WDFY4: variants seen among roughly 807,000 people sequenced by gnomAD.
The protein encoded by WDFY4 is WD repeat- and FYVE domain-containing protein 4.
WDFY4 carries 169 observed loss-of-function variants against 351.9 expected under a neutral mutation model. The ratio of observed to expected loss-of-function variants is 0.48; its 90% CI spans 0.42 to 0.55. The LOEUF (loss-of-function observed/expected upper bound fraction) is 0.55, where lower values mean the gene tolerates loss of function less well. WDFY4 is among the 20% of genes least tolerant of loss of function. The pLI is 0.00. For missense variants in WDFY4, 3,803 were observed against 3,935.6 expected, an observed-to-expected ratio of 0.97 and a Z score of 0.90; for synonymous variants, 1,622 against 1,574.6, an observed-to-expected ratio of 1.03 and a Z score of -0.71.
At chr10:48,937,798 AT>A (rs1449703180) in intron 47 of WDFY4, among the ~76,000 whole-genome samples, 9 of 152,190 alleles carry the variant, frequency 5.9e-5, no homozygotes, top group African/African-American at 2.2e-4. Flanking sequence ...TGGATTTCTA[AT>A]GCCCTGCCTG....
intron 47 of WDFY4, chr10:48,913,834 G>A: frequency 6.2e-7 from 1 of 1,614,136 alleles, no homozygotes; most frequent in South Asian, 1.1e-5. Context: ...TTGCTGGTCA[G>A]CCGGTTGTTG....
Position 48,829,645 on chromosome 10 carries a change from T to C in WDFY4, c.6340+749T>C, listed in dbSNP as rs545952409. On this transcript the variant is annotated intron_variant, in intron 37 of 61. Transcript: ENST00000325239. ...CGGGTGGATCACCTAAGGTCAGGAGTTCAAGACCAGCCTGCCCAACATGCT... is the reference window on the plus strand; with the variant it reads ...CGGGTGGATCACCTAAGGTCAGGAGCTCAAGACCAGCCTGCCCAACATGCT... 4.0e-5 allele frequency among the ~76,000 whole-genome samples: 6 copies of C among 151,640 alleles called. No individual in the cohort carries two copies. In the East Asian group the frequency reaches 1.2e-3, roughly 29 times the overall value.
At chr10:48,929,553 T>C (rs1839864006) in intron 47 of WDFY4, among the ~76,000 whole-genome samples, 1 of 152,184 alleles carries the variant, frequency 6.6e-6, no homozygotes, top group Non-Finnish European at 1.5e-5. Context: ...TCTCTGCCTA[T>C]ACTTATTGTG....
intron 28 of WDFY4, among the ~76,000 whole-genome samples, chr10:48,810,293 G>T (rs927151360): frequency 6.6e-6 from 1 of 152,150 alleles, no homozygotes; most frequent in Non-Finnish European, 1.5e-5. Context: ...GTTTCCAATT[G>T]CTTCAAAATG....
chr10:48,982,577 A>C lies in WDFY4; in HGVS notation c.*2A>C, dbSNP rs1363362684. On this transcript the variant is annotated 3_prime_UTR_variant, in exon 62 of 62. Coordinates refer to ENST00000325239, the MANE Select transcript of WDFY4 (RefSeq NM_001394531.1). ...TTCTGCTGGTCTGCAGATGGGTAGG[A>C]AGAGAGAGGCAGCAGAGGCTCTGGC... The C allele has an allele frequency of 2.6e-6, 4 of 1,549,382 alleles. No homozygotes were observed. In the East Asian group the frequency reaches 7.4e-5, roughly 28 times the overall value.
intron 39 of WDFY4, among the ~76,000 whole-genome samples, chr10:48,858,818 G>T (rs1403570498): frequency 1.3e-5 from 2 of 152,186 alleles, no homozygotes; most frequent in African/African-American, 4.8e-5. Flanking sequence ...TGTAGGTTGA[G>T]TCTTCCAATT....
Position 48,788,559 on chromosome 10 carries a change from T to C in WDFY4, c.3838T>C (p.Phe1280Leu). ...GGACCTGGACAGTGAAGCCACGCCC[T>C]TTGTTGCAGAAGAAAGAGTTTCTTT... ...GEDLDSEATP[F>L]VAEERVSFGL... is the part of the protein sequence containing the mutation. Residue 1280 changes from phenylalanine (F) to leucine (L), a missense_variant, in exon 21 of 62, where the codon TTT becomes CTT. By Grantham distance (22) the Phe-to-Leu change is conservative. Transcript: ENST00000325239. 1 of 1,552,106 alleles carries C rather than the reference T, an allele frequency of 6.4e-7. No homozygotes were observed. Among genetic ancestry groups the C allele is most frequent in the Non-Finnish European group, 8.7e-7 (1 of 1,147,060 alleles).
chr10:48,822,484 T>C lies in WDFY4; in HGVS notation c.5929T>C (p.Phe1977Leu). The change falls in exon 35 of 62, where the codon TTC becomes CTC. Residue 1977 changes from phenylalanine to leucine, a missense_variant. Transcript: ENST00000325239. ...KLVEKLYSGM[F>L]SADPRHILLF... is the part of the protein sequence containing the mutation. Reference sequence around the variant, plus strand: ...GGTGGAGAAGCTGTACAGTGGGATGTTCTCGGCAGACCCCAGGCATATCCT... The same window carrying C: ...GGTGGAGAAGCTGTACAGTGGGATGCTCTCGGCAGACCCCAGGCATATCCT... 6.4e-7 allele frequency: 1 copy of C among 1,550,530 alleles called. No homozygotes were observed. Among genetic ancestry groups the C allele is most frequent in the South Asian group, 1.2e-5 (1 of 83,648 alleles).
intron 46 of WDFY4, among the ~76,000 whole-genome samples, chr10:48,900,581 C>T (rs1390015204): frequency 3.3e-5 from 5 of 152,228 alleles, no homozygotes; most frequent in South Asian, 4.1e-4. Context: ...AAAAAAATTA[C>T]GCAGCTACCA....
rs531758284 is a variant in WDFY4 at position 48,879,377 on chromosome 10, G to A, written c.7167+2178G>A. ...GCAAGTCTGAGAACTGTGTCAGAAA[G>A]GATCCATAGTAAACAGATATCATGC... is the stretch of plus-strand genomic sequence containing the variant. On this transcript the variant is annotated intron_variant, in intron 43 of 61. Transcript: ENST00000325239. Among the ~76,000 whole-genome samples, 9 of 152,294 alleles carry A rather than the reference G, an allele frequency of 5.9e-5. No individual in the cohort carries two copies. In the East Asian group the frequency reaches 1.7e-3, roughly 29 times the overall value.
chr10:48,905,423 G>A (rs892164459), intron 47 of WDFY4, among the ~76,000 whole-genome samples: 1 of 152,198 alleles, frequency 6.6e-6, no homozygotes, highest in Non-Finnish European at 1.5e-5. Flanking sequence ...ATGATGACCT[G>A]CAATGCCAAC....
intron 39 of WDFY4, among the ~76,000 whole-genome samples, chr10:48,835,711 A>C (rs2068365212): frequency 6.6e-6 from 1 of 152,242 alleles, no homozygotes; most frequent in Non-Finnish European, 1.5e-5. Context: ...CCACCTACGC[A>C]TACAAATGCA....
At chr10:48,768,723 A>AAG (rs71026224) in intron 13 of WDFY4, among the ~76,000 whole-genome samples, 9,740 of 140,988 alleles carry the variant, frequency 0.069, 874 homozygotes, top group African/African-American at 0.21. Context: ...GGGAGAGGAG[A>AAG]AGAGAGAGAG....
chr10:48,741,503 T>C (rs889485941), intron 11 of WDFY4, among the ~76,000 whole-genome samples: 2 of 150,066 alleles, frequency 1.3e-5, no homozygotes, highest in African/African-American at 4.9e-5. Context: ...AGTGCATGAC[T>C]TCATGTTTGA....
chr10:48,710,000 T>C (rs1225729407), intron 2 of WDFY4, 34 bp downstream of exon 2: 7 of 1,517,884 alleles, frequency 4.6e-6, no homozygotes, highest in Non-Finnish European at 5.3e-6. Context: ...TGTAAGGTGA[T>C]AGGCGCTCTG....
At chr10:48,930,844 G>A (rs1472824585) in intron 47 of WDFY4, among the ~76,000 whole-genome samples, 1 of 152,130 alleles carries the variant, frequency 6.6e-6, no homozygotes, top group East Asian at 1.9e-4. Flanking sequence ...AAGATGTCAT[G>A]TTAGTGAAAG....
chr10:48,807,524 GT>G (rs1472577367), intron 27 of WDFY4, among the ~76,000 whole-genome samples: 1 of 152,174 alleles, frequency 6.6e-6, no homozygotes, highest in Non-Finnish European at 1.5e-5. Context: ...CATAATATCA[GT>G]GCATAGTAGG....
chr10:48,909,668 A>G (rs1230057913), intron 47 of WDFY4: 1 of 152,222 alleles, frequency 6.6e-6, no homozygotes, highest in Non-Finnish European at 1.5e-5. Context: ...TCTTTTTAAC[A>G]ATCAATTTTC....
intron 60 of WDFY4, 150 bp downstream of exon 60, chr10:48,978,543 C>T (rs1227263582): frequency 4.2e-5 from 27 of 642,542 alleles, no homozygotes; most frequent in Non-Finnish European, 1.8e-5. Context: ...CAGTGACTTG[C>T]CCAAAGTCAC....
Sources: gnomAD v4.1 joint callset for allele counts (sites outside exome capture counted in the v4.1 genomes callset) on GRCh38, gnomAD v4.1.1 for gene constraint, MANE v1.5 for transcripts, NCBI Gene and HGNC (gene_info 2026-07-23, HGNC 2026-07-21) for gene names.